ACSM3: variants seen among roughly 807,000 people sequenced by gnomAD.
ACSM3 encodes the protein acyl-coenzyme A synthetase ACSM3, mitochondrial.
In ACSM3, 61 loss-of-function variants were observed where a neutral mutation model predicts 74.1. The ratio of observed to expected loss-of-function variants is 0.82; its 90% CI spans 0.67 to 1.02. ACSM3 has a LOEUF of 1.02. ACSM3 is among the 50% of genes least tolerant of loss of function. The pLI, the probability that ACSM3 is intolerant of heterozygous loss-of-function variation, is 0.00. For synonymous variants in ACSM3, 213 were observed against 241.5 expected (o/e 0.88, Z 1.09); for missense variants, 660 against 697.0 (o/e 0.95, Z 0.60).
At chr16:20,756,738 G>A (rs972272165) in intron 3 of ACSM3, among the ~76,000 whole-genome samples, 4 of 152,164 alleles carry the variant, frequency 2.6e-5, no homozygotes, top group African/African-American at 4.8e-5. Context: ...GTAATGCCTA[G>A]GTTTTCTTCT....
intron 1 of ACSM3, among the ~76,000 whole-genome samples, chr16:20,688,229 G>A (rs2079589518): frequency 6.6e-6 from 1 of 151,988 alleles, no homozygotes; most frequent in Admixed American, 6.6e-5. Context: ...AACATAGACA[G>A]GTCATTTAAA....
At chr16:20,792,550 A>T in intron 12 of ACSM3, 3 of 985,446 alleles carry the variant, frequency 3.0e-6, no homozygotes, top group Non-Finnish European at 3.6e-6. Flanking sequence ...AAGGCTGAAA[A>T]TACGTACTAG....
intron 9 of ACSM3, among the ~76,000 whole-genome samples, chr16:20,788,598 C>G (rs1305183907): frequency 6.6e-6 from 1 of 152,168 alleles, no homozygotes; most frequent in Non-Finnish European, 1.5e-5. Context: ...TGTGTTCCAA[C>G]CAGGTGAATA....
rs13306605 is a variant in ACSM3, at chr16:20,786,169, C to G, written c.1224+11C>G. The G allele has an allele frequency of 3.2e-5, 52 of 1,608,748 alleles. No individual in the cohort carries two copies. In the South Asian group the frequency reaches 5.3e-4, roughly 16 times the overall value. On this transcript the variant is annotated intron_variant, in intron 9 of 13. Coordinates refer to ENST00000289416, the MANE Select transcript of ACSM3 (RefSeq NM_005622.4). Reference sequence around the variant, plus strand: ...GCTTTCGATGTTAAGGTTTGCACATCCCCTTCCAGGAGAATGTTTAACAAC... The same window carrying G: ...GCTTTCGATGTTAAGGTTTGCACATGCCCTTCCAGGAGAATGTTTAACAAC...
intron 1 of ACSM3, among the ~76,000 whole-genome samples, chr16:20,694,095 A>C (rs894968136): frequency 6.6e-6 from 1 of 152,228 alleles, no homozygotes; most frequent in African/African-American, 2.4e-5. Flanking sequence ...TTGCTTATTT[A>C]AAAGTGTTTT....
chr16:20,787,456 G>T (rs1190503653), intron 9 of ACSM3, among the ~76,000 whole-genome samples: 1 of 152,200 alleles, frequency 6.6e-6, no homozygotes, highest in Non-Finnish European at 1.5e-5. Flanking sequence ...TCCCAAGCTT[G>T]TTTGATCATA....
intron 1 of ACSM3, among the ~76,000 whole-genome samples, chr16:20,701,407 T>C (rs183642569): frequency 6.6e-6 from 1 of 152,270 alleles, no homozygotes; most frequent in East Asian, 1.9e-4. Flanking sequence ...AAGGAGTGAT[T>C]TGAAATAATG....
intron 1 of ACSM3, among the ~76,000 whole-genome samples, chr16:20,691,491 G>A (rs1295431293): frequency 1.3e-5 from 2 of 152,094 alleles, no homozygotes; most frequent in Admixed American, 1.3e-4. Flanking sequence ...CCTTCAACCT[G>A]CTAAGATGTC....
At chr16:20,774,648 T>C (rs2152459450) in intron 2 of ACSM3, among the ~76,000 whole-genome samples, 1 of 152,348 alleles carries the variant, frequency 6.6e-6, no homozygotes, top group Admixed American at 6.5e-5. Flanking sequence ...ATCTTTTAAC[T>C]GGGGAATTTA....
intron 1 of ACSM3, among the ~76,000 whole-genome samples, chr16:20,723,190 A>G (rs1286688653): frequency 6.6e-6 from 1 of 152,172 alleles, no homozygotes; most frequent in Admixed American, 6.5e-5. Context: ...AGCTTCATCT[A>G]TGTCCCTACA....
At chr16:20,727,236 C>A in intron 1 of ACSM3, 1 of 414,548 alleles carries the variant, frequency 2.4e-6, no homozygotes. Context: ...TTTCCTAAGA[C>A]TTGCCTCTCC....
chr16:20,717,229 C>A (rs3848255), intron 1 of ACSM3, among the ~76,000 whole-genome samples: 1 of 152,020 alleles, frequency 6.6e-6, no homozygotes, highest in African/African-American at 2.4e-5. Context: ...TGACTCTTTT[C>A]AGAACAAAGA....
chr16:20,792,861 T>C (rs746794629), intron 12 of ACSM3, among the ~76,000 whole-genome samples: 6 of 152,198 alleles, frequency 3.9e-5, no homozygotes, highest in African/African-American at 4.8e-5. Flanking sequence ...CCCATTCCTA[T>C]TGGGGCTGAC....
chr16:20,749,036 G>A (rs1223573127), intron 1 of ACSM3, among the ~76,000 whole-genome samples: 1 of 151,880 alleles, frequency 6.6e-6, no homozygotes, highest in Non-Finnish European at 1.5e-5. Context: ...CTCTAGCCTG[G>A]GTGACAAGAG....
intron 1 of ACSM3, among the ~76,000 whole-genome samples, chr16:20,742,813 A>ATATATATATATATTT (rs61582869): frequency 1.5e-4 from 10 of 66,824 alleles, no homozygotes; most frequent in South Asian, 4.5e-4. Context: ...ATATATATAT[A>ATATATATATATATTT]TTTTTTTTTT....
chr16:20,795,812 G>A (rs919080279), intron 12 of ACSM3, among the ~76,000 whole-genome samples: 3 of 152,240 alleles, frequency 2.0e-5, no homozygotes. Flanking sequence ...AGGGGGCTAT[G>A]AGGGATGGCC....
intron 1 of ACSM3, chr16:20,736,900 T>C: frequency 6.2e-7 from 1 of 1,613,908 alleles, no homozygotes; most frequent in Non-Finnish European, 8.5e-7. Flanking sequence ...TCATTTTCAT[T>C]TGACTTGGAT....
Position 20,759,004 on chromosome 16 carries a change from A to T in ACSM3, c.-52+3388A>T, listed in dbSNP as rs371000905. On this transcript the variant is annotated intron_variant, in intron 3 of 3. Coordinates refer to the ACSM3 transcript ENST00000561584. ...ACTGTGGTCTGAGAGACAGTTTGTT[A>T]TAATTTCTGTTCTTTTACATTTGCT... Among the ~76,000 whole-genome samples, 12 of 152,186 alleles carry T rather than the reference A, an allele frequency of 7.9e-5. No homozygotes were observed. The South Asian group carries it at 2.5e-3, about 32-fold the overall frequency.
chr16:20,755,188 T>C (rs1333860861), intron 2 of ACSM3, among the ~76,000 whole-genome samples: 1 of 152,162 alleles, frequency 6.6e-6, no homozygotes, highest in Non-Finnish European at 1.5e-5. Context: ...ACCTGGGCAG[T>C]GTCAAAGCCA....
Sources: gnomAD v4.1 joint callset for allele counts (sites outside exome capture counted in the v4.1 genomes callset) on GRCh38, gnomAD v4.1.1 for gene constraint, MANE v1.5 for transcripts, NCBI Gene and HGNC (gene_info 2026-07-23, HGNC 2026-07-21) for gene names.